The following DIAPH3 variants were observed in gnomAD, a reference collection of about 807,000 sequenced individuals.
DIAPH3 encodes the protein diaphanous related formin 3.
A neutral mutation model predicts 144.3 loss-of-function variants in DIAPH3; 117 were observed. The observed-to-expected ratio is 0.81, with a 90% CI of 0.70 to 0.95. The LOEUF (loss-of-function observed/expected upper bound fraction) is 0.95. Among genes scored for constraint, DIAPH3 ranks in the 40% least tolerant of loss-of-function variants. The probability of loss-of-function intolerance (pLI) is 0.00; values close to 1 mark genes in which losing one functional copy is unlikely to be tolerated. For missense variants in DIAPH3, 1,421 were observed against 1,412.7 expected, an observed-to-expected ratio of 1.01 and a Z score of -0.09; for synonymous variants, 519 against 488.9, an observed-to-expected ratio of 1.06 and a Z score of -0.81.
chr13:59,999,862 C>A (rs555201434), intron 9 of DIAPH3, among the ~76,000 whole-genome samples: 2 of 152,308 alleles, frequency 1.3e-5, no homozygotes, highest in East Asian at 3.9e-4. Context: ...ACACATCAAA[C>A]CTCTTGCTTC....
intron 17 of DIAPH3, among the ~76,000 whole-genome samples, chr13:59,947,144 C>A (rs1175288804): frequency 6.6e-6 from 1 of 152,158 alleles, no homozygotes; most frequent in African/African-American, 2.4e-5. Context: ...ATCCCACTTT[C>A]GAGCATGACA....
chr13:59,888,896 TTG>T (rs1167563874), intron 20 of DIAPH3, among the ~76,000 whole-genome samples: 6 of 152,208 alleles, frequency 3.9e-5, no homozygotes, highest in African/African-American at 7.2e-5. Context: ...CACCTTTCTG[TTG>T]AGCTTCTTGC....
At chr13:60,149,719 C>T (rs1003841811) in intron 1 of DIAPH3, among the ~76,000 whole-genome samples, 27 of 143,096 alleles carry the variant, frequency 1.9e-4, no homozygotes, top group East Asian at 1.6e-3. Flanking sequence ...TACCACTGCA[C>T]GCCAGCCTGG....
At chr13:59,889,933 G>A (rs2045684735) in intron 20 of DIAPH3, among the ~76,000 whole-genome samples, 1 of 152,106 alleles carries the variant, frequency 6.6e-6, no homozygotes, top group African/African-American at 2.4e-5. Context: ...ATTAGGGTGG[G>A]TCTAGACTAG....
chr13:59,791,579 A>G (rs933490137), intron 25 of DIAPH3, among the ~76,000 whole-genome samples: 3 of 152,156 alleles, frequency 2.0e-5, no homozygotes, highest in African/African-American at 7.2e-5. Context: ...CATTCTTTCC[A>G]CTATAGACTT....
intron 27 of DIAPH3, among the ~76,000 whole-genome samples, chr13:59,728,617 A>AT (rs1192423391): frequency 1.3e-5 from 2 of 152,090 alleles, no homozygotes; most frequent in Admixed American, 1.3e-4. Context: ...TATAAAATGA[A>AT]TATAATCATG....
At chr13:59,703,194 G>T (rs540751781) in intron 27 of DIAPH3, among the ~76,000 whole-genome samples, 1 of 152,228 alleles carries the variant, frequency 6.6e-6, no homozygotes, top group South Asian at 2.1e-4. Context: ...CTTGAGATGT[G>T]GTGAAGTGCA....
At chr13:59,847,435 G>T (rs2042707927) in intron 22 of DIAPH3, among the ~76,000 whole-genome samples, 1 of 152,176 alleles carries the variant, frequency 6.6e-6, no homozygotes, top group South Asian at 2.1e-4. Flanking sequence ...GAAAGAGCCA[G>T]CCCTGTCCTT....
chr13:59,778,519 T>C (rs1306029195), intron 25 of DIAPH3, among the ~76,000 whole-genome samples: 2 of 152,256 alleles, frequency 1.3e-5, no homozygotes, highest in African/African-American at 2.4e-5. Flanking sequence ...GGGTTGATTA[T>C]GCATGAGAAT....
intron 24 of DIAPH3, among the ~76,000 whole-genome samples, chr13:59,825,075 T>C (rs1235891740): frequency 6.6e-6 from 1 of 152,090 alleles, no homozygotes; most frequent in Non-Finnish European, 1.5e-5. Context: ...TTAGGGTACA[T>C]GTGCACAATG....
rs546594744 is a variant in DIAPH3, at chr13:60,145,836, A to G, written c.181-12847T>C. Among the ~76,000 whole-genome samples the G allele has an allele frequency of 2.6e-5, 4 of 152,208 alleles. No individual in the cohort carries two copies. In the South Asian group the frequency reaches 8.3e-4, roughly 32 times the overall value. ...ATTTATAGATTTTTAAAGCTGGGGT[A>G]TATACCACAAACCTTATAAACCATA... On this transcript the variant is annotated intron_variant, in intron 1 of 27. Transcript: ENST00000400324.
chr13:60,143,120 T>C (rs1951352221), intron 1 of DIAPH3, among the ~76,000 whole-genome samples: 1 of 152,162 alleles, frequency 6.6e-6, no homozygotes, highest in Non-Finnish European at 1.5e-5. Context: ...CCTTGGTTTC[T>C]GTTTATTTCT....
At chr13:60,139,894 T>C (rs1448437010) in intron 1 of DIAPH3, among the ~76,000 whole-genome samples, 1 of 152,244 alleles carries the variant, frequency 6.6e-6, no homozygotes, top group Non-Finnish European at 1.5e-5. Context: ...TACTACCAGA[T>C]GAAAAACTCT....
chr13:59,799,577 A>G (rs957350017), intron 25 of DIAPH3, among the ~76,000 whole-genome samples: 1 of 152,226 alleles, frequency 6.6e-6, no homozygotes, highest in Admixed American at 6.5e-5. Context: ...AAGAGCACAT[A>G]AAACAAACTT....
chr13:59,864,677 T>C (rs898250607), intron 21 of DIAPH3, among the ~76,000 whole-genome samples: 1 of 152,042 alleles, frequency 6.6e-6, no homozygotes, highest in Admixed American at 6.6e-5. Context: ...ATGTAGTTTG[T>C]AGCAACTTAG....
chr13:60,085,519 A>G (rs1457795870), intron 4 of DIAPH3, among the ~76,000 whole-genome samples: 1 of 152,118 alleles, frequency 6.6e-6, no homozygotes, highest in Non-Finnish European at 1.5e-5. Context: ...TCCCATCCAC[A>G]GGAACTGTTT....
chr13:59,925,917 T>C (rs1048105026), intron 17 of DIAPH3, among the ~76,000 whole-genome samples: 12 of 152,210 alleles, frequency 7.9e-5, no homozygotes, highest in African/African-American at 2.9e-4. Flanking sequence ...GTTTTCTCTT[T>C]TTCTTCTAAT....
chr13:60,158,547 C>A (rs1952132165), intron 1 of DIAPH3, among the ~76,000 whole-genome samples: 1 of 152,158 alleles, frequency 6.6e-6, no homozygotes, highest in Admixed American at 6.5e-5. Context: ...CCCAGATGTC[C>A]AGATGTGTGG....
At chr13:60,103,808 G>A (rs1355167814) in intron 3 of DIAPH3, among the ~76,000 whole-genome samples, 2 of 152,160 alleles carry the variant, frequency 1.3e-5, no homozygotes, top group Admixed American at 6.5e-5. Flanking sequence ...TTGTGACAGA[G>A]CTCAACATCA....
Sources: gnomAD v4.1 joint callset for allele counts (sites outside exome capture counted in the v4.1 genomes callset) on GRCh38, gnomAD v4.1.1 for gene constraint, MANE v1.5 for transcripts, NCBI Gene and HGNC (gene_info 2026-07-23, HGNC 2026-07-21) for gene names.